The following DNAH14 variants were observed in gnomAD, a reference collection of about 807,000 sequenced individuals.
The protein encoded by DNAH14 is axonemal beta dynein heavy chain 14.
Under a neutral mutation model 520.9 loss-of-function variants are expected in DNAH14, and 478 were observed. That is an observed-to-expected ratio of 0.92 (90% CI 0.85 to 0.99). The LOEUF is 0.99. DNAH14 is among the 50% of genes least tolerant of loss of function. DNAH14 has a pLI of 0.00. For missense variants in DNAH14, 4,831 were observed against 5,234.5 expected, an observed-to-expected ratio of 0.92 and a Z score of 2.38; for synonymous variants, 1,581 against 1,757.2, an observed-to-expected ratio of 0.90 and a Z score of 2.51.
intron 41 of DNAH14, among the ~76,000 whole-genome samples, chr1:225,229,795 C>T (rs558901532): frequency 5.3e-5 from 8 of 152,152 alleles, no homozygotes; most frequent in Admixed American, 5.2e-4. Context: ...AGGGATAGCA[C>T]TAGGAGAAAT....
At chr1:225,345,412 C>A (rs1311807863) in intron 69 of DNAH14, among the ~76,000 whole-genome samples, 1 of 152,080 alleles carries the variant, frequency 6.6e-6, no homozygotes, top group African/African-American at 2.4e-5. Context: ...CCTGAGAGCT[C>A]CCTTAAATAT....
intron 3 of DNAH14, 106 bp from the exon 4 acceptor site, chr1:224,960,047 A>G: frequency 2.6e-6 from 3 of 1,145,044 alleles, no homozygotes; most frequent in Non-Finnish European, 3.5e-6. Flanking sequence ...CTACCATGCT[A>G]TACTGCCTTA....
Position 225,374,767 on chromosome 1 carries a change from A to G in DNAH14, c.12398A>G (p.Glu4133Gly). The G allele has an allele frequency of 6.4e-7, 1 of 1,551,576 alleles. No individual in the cohort carries two copies. The highest frequency in any genetic ancestry group is 2.4e-5 in the East Asian group (1 of 40,906). ...CAAGCACTGCGCTACCTGATTGGAG[A>G]AGTGATTTACGGTGGCCGGGTGATT... ...SWQALRYLIG[E>G]VIYGGRVIDN... The change falls in exon 78 of 86, where the codon GAA becomes GGA. Residue 4133 changes from glutamate to glycine, a missense_variant. Glu to Gly is a moderately conservative substitution (Grantham distance 98). Coordinates refer to ENST00000682510, the MANE Select transcript of DNAH14 (RefSeq NM_001367479.1).
At chr1:225,193,559 A>G (rs190379558) in intron 38 of DNAH14, among the ~76,000 whole-genome samples, 1 of 152,060 alleles carries the variant, frequency 6.6e-6, no homozygotes, top group African/African-American at 2.4e-5. Flanking sequence ...TAAATAGGTT[A>G]ATAAAGATTT....
rs1416705023 is a variant in DNAH14, at chr1:225,240,723, A to G, written c.6649A>G (p.Ile2217Val). The stretch of plus-strand genomic sequence containing the variant: ...CCGTGAAGATGAACACAGAGAAAAT[A>G]TACCATTTTGTCCCAGTCTTGAACC... ...LNREDEHREN[I>V]PFCPSLEPDS... The change falls in exon 43 of 86, where the codon ATA (isoleucine) becomes GTA (valine). Residue 2217 changes from isoleucine to valine, a missense_variant. Ile to Val is a conservative substitution (Grantham distance 29). Transcript: ENST00000682510. 4.5e-6 allele frequency: 7 copies of G among 1,550,892 alleles called. No individual in the cohort carries two copies. The highest frequency in any genetic ancestry group is 2.0e-5 in the Admixed American group (1 of 50,982).
intron 17 of DNAH14, among the ~76,000 whole-genome samples, chr1:225,073,596 G>A (rs556423999): frequency 1.3e-5 from 2 of 152,040 alleles, no homozygotes; most frequent in African/African-American, 2.4e-5. Context: ...CAAAGATGGC[G>A]GCCCGCTCCT....
At chr1:225,398,453 G>T (rs1271651886) in intron 84 of DNAH14, 67 bp from the exon 85 acceptor site, 1 of 1,527,026 alleles carries the variant, frequency 6.5e-7, no homozygotes, top group East Asian at 2.5e-5. Flanking sequence ...GCTCAATTCC[G>T]GACGGAGCCT....
At chr1:225,108,120 G>A (rs1050934790) in intron 23 of DNAH14, among the ~76,000 whole-genome samples, 1 of 152,284 alleles carries the variant, frequency 6.6e-6, no homozygotes, top group African/African-American at 2.4e-5. Flanking sequence ...GCAGAGGAAC[G>A]TGGAAGGACT....
intron 66 of DNAH14, among the ~76,000 whole-genome samples, chr1:225,335,850 TA>T (rs2095004434): frequency 2.1e-5 from 1 of 48,358 alleles, no homozygotes; most frequent in African/African-American, 8.5e-5. Flanking sequence ...TACATACACA[TA>T]TGTACATATA....
intron 23 of DNAH14, among the ~76,000 whole-genome samples, chr1:225,109,569 A>G (rs2076331420): frequency 6.6e-6 from 1 of 151,958 alleles, no homozygotes. Context: ...TGTATTCTGT[A>G]ACTTTACTTG....
intron 12 of DNAH14, among the ~76,000 whole-genome samples, chr1:225,039,877 CAAAAAAAAAAAAAAA>C (rs1194328076): frequency 2.0e-5 from 1 of 48,984 alleles, no homozygotes; most frequent in Non-Finnish European, 3.5e-5. Flanking sequence ...GACTCCGTCT[CAAAAAAAAAAAAAAA>C]AAAAAAAAAG....
At chr1:225,101,489 C>T (rs920847643) in intron 23 of DNAH14, among the ~76,000 whole-genome samples, 1 of 152,036 alleles carries the variant, frequency 6.6e-6, no homozygotes, top group Non-Finnish European at 1.5e-5. Flanking sequence ...ACCACTTTTT[C>T]TCTCTCCCCC....
At chr1:224,950,405 G>C (rs902553894) in intron 1 of DNAH14, among the ~76,000 whole-genome samples, 3 of 152,136 alleles carry the variant, frequency 2.0e-5, no homozygotes, top group African/African-American at 7.2e-5. Flanking sequence ...ACTTGACTCT[G>C]TATAAAATTC....
In DNAH14 at chr1:225,346,103, C is replaced by T. The variant is rs770098415; in HGVS notation, c.10820C>T (p.Ala3607Val). Residue 3607 changes from alanine (A) to valine (V), a missense_variant, in exon 70 of 86, where the codon GCG becomes GTG. Transcript: ENST00000682510. ...QAIRKNYLPI[A>V]TRGALLYFLV... ...ATACGTAAAAACTATCTCCCCATTGCGACCCGAGGCGCCCTGCTCTACTTC... is the reference window on the plus strand; with the variant it reads ...ATACGTAAAAACTATCTCCCCATTGTGACCCGAGGCGCCCTGCTCTACTTC... 93 of 1,551,566 alleles carry T rather than the reference C, an allele frequency of 6.0e-5. No individual in the cohort carries two copies. Among genetic ancestry groups the T allele is most frequent in the Non-Finnish European group, 7.5e-5 (86 of 1,146,986 alleles).
At chr1:225,367,037 A>G (rs1269415357) in intron 76 of DNAH14, among the ~76,000 whole-genome samples, 1 of 115,962 alleles carries the variant, frequency 8.6e-6, no homozygotes, top group East Asian at 2.2e-4. Flanking sequence ...ACACACACAC[A>G]CACACACAGC....
At chr1:225,215,203 T>C (rs1234563019) in intron 41 of DNAH14, among the ~76,000 whole-genome samples, 5 of 152,214 alleles carry the variant, frequency 3.3e-5, no homozygotes, top group Admixed American at 1.3e-4. Flanking sequence ...TCAGTTTCCA[T>C]GTAGTTGAGC....
chr1:225,108,510 C>G (rs555181659), intron 23 of DNAH14, among the ~76,000 whole-genome samples: 2 of 152,224 alleles, frequency 1.3e-5, no homozygotes, highest in East Asian at 3.9e-4. Context: ...TGAGAAATGT[C>G]TATTCAGATC....
In DNAH14 at chr1:225,318,598, C is replaced by A; in HGVS notation, c.9256C>A (p.Leu3086Ile). 6.5e-7 allele frequency: 1 copy of A among 1,546,682 alleles called. No homozygotes were observed. The change falls in exon 61 of 86, where the codon CTA becomes ATA. Residue 3086 changes from leucine (L) to isoleucine (I), a missense_variant. Transcript: ENST00000682510. ...TTTATTGCAGAAAACTGCCAATGAA[C>A]TAAAAAGTGTGCTGCCAGCCTTTGA... ...EDYAQKTANE[L>I]KSVLPAFDKA...
chr1:225,160,957 T>C (rs2081455320), intron 35 of DNAH14, among the ~76,000 whole-genome samples: 1 of 152,134 alleles, frequency 6.6e-6, no homozygotes, highest in Non-Finnish European at 1.5e-5. Flanking sequence ...TCTAATTCAT[T>C]TGTTTTCTTC....
Sources: gnomAD v4.1 joint callset for allele counts (sites outside exome capture counted in the v4.1 genomes callset) on GRCh38, gnomAD v4.1.1 for gene constraint, MANE v1.5 for transcripts, NCBI Gene and HGNC (gene_info 2026-07-23, HGNC 2026-07-21) for gene names.